Variants in GNAS observed in about 807,000 individuals in gnomAD.
The protein encoded by GNAS is protein ALEX.
In GNAS, 8 loss-of-function variants were observed where a neutral mutation model predicts 54.5. That is an observed-to-expected ratio of 0.15 (90% CI 0.09 to 0.26). The LOEUF is 0.26. Among genes scored for constraint, GNAS ranks in the 10% least tolerant of loss-of-function variants. The pLI, the probability that GNAS is intolerant of heterozygous loss-of-function variation, is 1.00. For synonymous variants in GNAS, 204 were observed against 191.4 expected (o/e 1.07, Z -0.54); for missense variants, 170 against 529.8 (o/e 0.32, Z 6.67).
intron 3 of GNAS, chr20:58,900,255 A>G (rs1206476953): frequency 6.1e-6 from 3 of 490,042 alleles, no homozygotes; most frequent in African/African-American, 3.9e-5. Flanking sequence ...AAGATATGAC[A>G]AGTCCTTAGT....
At chr20:58,900,687 T>TGG (rs955307743) in intron 3 of GNAS, among the ~76,000 whole-genome samples, 2 of 152,220 alleles carry the variant, frequency 1.3e-5, no homozygotes, top group Non-Finnish European at 2.9e-5. Context: ...TTGCCTTTGT[T>TGG]GAGTAGTTTA....
At position 58,841,687 on chromosome 20, in the gene GNAS, G is replaced by T. The variant is rs890115794; in HGVS notation, c.43+801G>T. 6.7e-6 allele frequency: 8 copies of T among 1,193,196 alleles called. No homozygotes were observed. The highest frequency in any genetic ancestry group is 8.3e-6 in the Non-Finnish European group (8 of 963,424). 73.9% of individuals were successfully genotyped at this position (1,193,196 alleles called of 1,614,324 possible). A position where few individuals can be genotyped will look rare whatever the true frequency, so the allele number is the denominator to read the frequency against. ...AGTACCTGGGGGAAAGGTAGAGGAGGTAAGGGGACCCTTGGGGATGCCCCT... is the reference window on the plus strand; with the variant it reads ...AGTACCTGGGGGAAAGGTAGAGGAGTTAAGGGGACCCTTGGGGATGCCCCT... On this transcript the variant is annotated intron_variant, in intron 1 of 12. Coordinates refer to the GNAS transcript ENST00000306090. The surrounding 1 kb of genome is among the most constrained non-coding windows in gnomAD (Gnocchi z 5.0).
chr20:58,909,911 G>A lies in GNAS; in HGVS notation c.840-40G>A, dbSNP rs370007790. 232 of 1,613,630 alleles carry A rather than the reference G, an allele frequency of 1.4e-4. No individual in the cohort carries two copies. The highest frequency in any genetic ancestry group is 8.5e-4 in the Middle Eastern group (5 of 5,860). On this transcript the variant is annotated intron_variant, in intron 10 of 12. Coordinates refer to ENST00000371085, the MANE Select transcript of GNAS (RefSeq NM_000516.7). This position sits in a 1 kb window ranked among gnomAD's most constrained non-coding sequence, Gnocchi z 7.3. ...GCATTCCAGACCCCTGGCCGAAAGC[G>A]CGCTTCTCCCAAGCATTCACACGGC...
chr20:58,895,800 C>G lies in GNAS; in HGVS notation c.212+116C>G, dbSNP rs2089990196. Reference sequence around the variant, plus strand: ...GGCAGCCAGTTTTCACTTAATTTTTCCTGATTTACATATTAGAAAATCCTG... The same window carrying G: ...GGCAGCCAGTTTTCACTTAATTTTTGCTGATTTACATATTAGAAAATCCTG... On this transcript the variant is annotated intron_variant, in intron 2 of 12. Coordinates refer to ENST00000371085, the MANE Select transcript of GNAS (RefSeq NM_000516.7). The G allele has an allele frequency of 9.6e-6, 7 of 728,464 alleles. No homozygotes were observed. In the South Asian group the frequency reaches 1.1e-4, roughly 11 times the overall value. The allele number at this position is 728,464 out of a possible 1,614,324, so 45.1% of individuals were successfully genotyped here.
At chr20:58,840,230 C>T (rs112532266), upstream of GNAS, 6 of 1,610,978 alleles carry the variant, frequency 3.7e-6, no homozygotes, top group East Asian at 8.9e-5. The surrounding 1 kb of genome is among the most constrained non-coding windows in gnomAD (Gnocchi z 6.0). Flanking sequence ...CATCGCGCTC[C>T]TCCGCGCCCT....
At chr20:58,908,772 C>T (rs533867380) in intron 6 of GNAS, 18 of 272,752 alleles carry the variant, frequency 6.6e-5, no homozygotes, top group Non-Finnish European at 1.3e-4. Context: ...AGAATATTGC[C>T]AGAGAGCAAC....
chr20:58,843,069 G>A (rs942924422), intron 1 of GNAS, among the ~76,000 whole-genome samples: 1 of 152,132 alleles, frequency 6.6e-6, no homozygotes, highest in Non-Finnish European at 1.5e-5. Flanking sequence ...GTAGCGAGGA[G>A]GGGCAATCTA....
At chr20:58,875,174 T>C (rs182525456) in intron 1 of GNAS, among the ~76,000 whole-genome samples, 2 of 152,336 alleles carry the variant, frequency 1.3e-5, no homozygotes, top group East Asian at 3.9e-4. Context: ...TATAGAATTA[T>C]TAAGTTGTGG....
chr20:58,864,872 G>T (rs1005228101), intron 1 of GNAS, among the ~76,000 whole-genome samples: 1 of 151,858 alleles, frequency 6.6e-6, no homozygotes, highest in African/African-American at 2.4e-5. Flanking sequence ...TTTTCATGGG[G>T]TGGTTGTCCT....
rs1264120839 is a variant in GNAS, at chr20:58,891,576, C to T, written c.-151C>T. 4.1e-6 allele frequency: 4 copies of T among 972,584 alleles called. No individual in the cohort carries two copies. Among genetic ancestry groups the T allele is most frequent in the South Asian group, 4.6e-5 (1 of 21,526 alleles). 60.2% of individuals were successfully genotyped at this position (972,584 alleles called of 1,614,324 possible). ...GTCCGCGCGCCCCGCGGCCCGCGGCCCGCAGTCCGCCCCGCGCGCTCCTTG... is the reference window on the plus strand; with the variant it reads ...GTCCGCGCGCCCCGCGGCCCGCGGCTCGCAGTCCGCCCCGCGCGCTCCTTG... On this transcript the variant is annotated 5_prime_UTR_variant, in exon 1 of 13. Transcript: ENST00000371085.
At position 58,910,094 on chromosome 20, in the gene GNAS, TC is replaced by T. The variant is rs771580636; in HGVS notation, c.970+15del. 2 of 1,613,408 alleles carry T rather than the reference TC, an allele frequency of 1.2e-6. No individual in the cohort carries two copies. Among genetic ancestry groups the T allele is most frequent in the Non-Finnish European group, 1.7e-6 (2 of 1,179,486 alleles). On this transcript the variant is annotated intron_variant, in intron 11 of 12. Transcript: ENST00000371085. This position sits in a 1 kb window ranked among gnomAD's most constrained non-coding sequence, Gnocchi z 5.8. ...ACTCCTGAGGATGGTGTGTATGGCTTCCACTCTTGCTGGCTGTTCATTGCGG... is the reference window on the plus strand; with the variant it reads ...ACTCCTGAGGATGGTGTGTATGGCTTCACTCTTGCTGGCTGTTCATTGCGG...
Position 58,841,994 on chromosome 20 carries a change from G to A in GNAS, c.43+1108G>A. On this transcript the variant is annotated intron_variant, in intron 1 of 12. Transcript: ENST00000306090. The surrounding 1 kb of genome is among the most constrained non-coding windows in gnomAD (Gnocchi z 5.0). The stretch of plus-strand genomic sequence containing the variant: ...GCTGGGGAAAGGTGTTGGATCCGGC[G>A]CCAGTCCTTGGACGATCAGTCGTCG... The A allele has an allele frequency of 2.1e-6, 2 of 931,492 alleles. No homozygotes were observed. The highest frequency in any genetic ancestry group is 2.8e-6 in the Non-Finnish European group (2 of 713,390). 57.7% of individuals were successfully genotyped at this position (931,492 alleles called of 1,614,324 possible).
chr20:58,882,543 A>G (rs960893190), intron 1 of GNAS, among the ~76,000 whole-genome samples: 64 of 152,344 alleles, frequency 4.2e-4, no homozygotes, highest in Admixed American at 1.2e-3. Flanking sequence ...CTGGGCAAAC[A>G]ACGAGTACAC....
At chr20:58,893,933 G>C (rs1395593883) in intron 1 of GNAS, among the ~76,000 whole-genome samples, 1 of 152,226 alleles carries the variant, frequency 6.6e-6, no homozygotes, top group East Asian at 1.9e-4. Flanking sequence ...GCTAATCTAA[G>C]TGTCCTAGTC....
rs2086530392 is a variant in GNAS at position 58,856,704 on chromosome 20, G to T, written c.43+15818G>T. On this transcript the variant is annotated intron_variant, in intron 1 of 12. Coordinates refer to the GNAS transcript ENST00000306090. This position sits in a 1 kb window ranked among gnomAD's most constrained non-coding sequence, Gnocchi z 4.2. Reference sequence around the variant, plus strand: ...TAAGGTCTTCTGCAAATTGGCTCTGGATACAAAAAATATATAAAGGTATTT... The same window carrying T: ...TAAGGTCTTCTGCAAATTGGCTCTGTATACAAAAAATATATAAAGGTATTT... The T allele has an allele frequency of 6.6e-6, 1 of 152,094 alleles. No individual in the cohort carries two copies. Among genetic ancestry groups the T allele is most frequent in the Non-Finnish European group, 1.5e-5 (1 of 68,006 alleles). The allele number at this position is 152,094 out of a possible 1,614,324, so 9.4% of individuals were successfully genotyped here.
chr20:58,893,678 G>A (rs1034741993), intron 1 of GNAS, among the ~76,000 whole-genome samples: 1 of 152,188 alleles, frequency 6.6e-6, no homozygotes, highest in African/African-American at 2.4e-5. Context: ...TACATGTGTT[G>A]CTGTCTTGTC....
At chr20:58,878,360 C>T (rs752718485) in intron 1 of GNAS, among the ~76,000 whole-genome samples, 12 of 152,218 alleles carry the variant, frequency 7.9e-5, no homozygotes, top group Non-Finnish European at 1.6e-4. Context: ...CTGCTAGAGA[C>T]ACTTCTAATT....
Position 58,891,678 on chromosome 20 carries a change from G to A in GNAS, c.-49G>A. 1.0e-6 allele frequency: 1 copy of A among 963,572 alleles called. No individual in the cohort carries two copies. Among genetic ancestry groups the A allele is most frequent in the Non-Finnish European group, 1.2e-6 (1 of 819,822 alleles). 59.7% of individuals were successfully genotyped at this position (963,572 alleles called of 1,614,324 possible). On this transcript the variant is annotated 5_prime_UTR_variant, in exon 1 of 13. Transcript: ENST00000371085. ...TCCCGGCCCGCGTGAGGCCGCCCGC[G>A]CCCGCCGCCGCCGCAGCCCGGCCGC...
In GNAS at chr20:58,891,640, G is replaced by T; in HGVS notation, c.-87G>T. 1 of 965,268 alleles carries T rather than the reference G, an allele frequency of 1.0e-6. No individual in the cohort carries two copies. The highest frequency in any genetic ancestry group is 1.2e-6 in the Non-Finnish European group (1 of 821,008). The allele number at this position is 965,268 out of a possible 1,614,324, so 59.8% of individuals were successfully genotyped here. ...CCCGCGCCCGGCCCGCCCGCCCGGC[G>T]CTGCCCCGGCCCTCCCGGCCCGCGT... On this transcript the variant is annotated 5_prime_UTR_variant, in exon 1 of 13. Transcript: ENST00000371085.
Sources: gnomAD v4.1 joint callset for allele counts (sites outside exome capture counted in the v4.1 genomes callset) on GRCh38, gnomAD v4.1.1 for gene constraint, Gnocchi (gnomAD v3.1) non-coding constraint, MANE v1.5 for transcripts, NCBI Gene and HGNC (gene_info 2026-07-23, HGNC 2026-07-21) for gene names.